Variants in SCN11A observed in about 807,000 individuals in gnomAD.
SCN11A encodes the protein sodium channel protein type 11 subunit alpha.
In SCN11A, 122 loss-of-function variants were observed where a neutral mutation model predicts 162.2. The ratio of observed to expected loss-of-function variants is 0.75; its 90% CI spans 0.65 to 0.87. SCN11A has a LOEUF of 0.87. SCN11A is among the 40% of genes least tolerant of loss of function. The pLI is 0.00. For synonymous variants in SCN11A, 758 were observed against 751.5 expected, an observed-to-expected ratio of 1.01 and a Z score of -0.14; for missense variants, 2,015 against 2,181.6, an observed-to-expected ratio of 0.92 and a Z score of 1.52.
chr3:39,034,847 C>A (rs2031862973), intron 1 of SCN11A, among the ~76,000 whole-genome samples: 1 of 151,912 alleles, frequency 6.6e-6, no homozygotes, highest in South Asian at 2.1e-4. Context: ...ATTCTATTTA[C>A]AATAACAACA....
intron 2 of SCN11A, among the ~76,000 whole-genome samples, chr3:39,004,935 T>A (rs2030927435): frequency 1.3e-5 from 2 of 152,178 alleles, no homozygotes; most frequent in African/African-American, 4.8e-5. Flanking sequence ...GCTGGGAGCA[T>A]CAGCAAGCTA....
In SCN11A at chr3:39,032,073, C is replaced by T. The variant is rs2031774444; in HGVS notation, c.-280+307G>A. Among the ~76,000 whole-genome samples the T allele has an allele frequency of 4.6e-5, 7 of 152,056 alleles. 1 individual carries two copies. In the South Asian group the frequency reaches 1.4e-3, roughly 31 times the overall value. ...TGACTGATTCTTACGTGCTCATTTC[C>T]CCCTGTACTTCTAAATATACTTCTA... On this transcript the variant is annotated intron_variant, in intron 2 of 29. Transcript: ENST00000302328.
intron 29 of SCN11A, among the ~76,000 whole-genome samples, chr3:38,848,384 T>A (rs1187004372): frequency 6.6e-6 from 1 of 152,096 alleles, no homozygotes; most frequent in African/African-American, 2.4e-5. Context: ...GAGAGTCTTC[T>A]AGGGTTGTTA....
intron 1 of SCN11A, among the ~76,000 whole-genome samples, chr3:39,041,526 C>T (rs558131564): frequency 6.6e-6 from 1 of 152,180 alleles, no homozygotes; most frequent in Non-Finnish European, 1.5e-5. Flanking sequence ...AGAAACCTTA[C>T]AGGCCGGGAG....
chr3:38,899,788 G>C (rs551937398), intron 17 of SCN11A, 106 bp downstream of exon 17: 1 of 867,826 alleles, frequency 1.2e-6, no homozygotes, highest in African/African-American at 1.7e-5. Context: ...CTGGGGTTAA[G>C]GTAAGATAAA....
intron 9 of SCN11A, among the ~76,000 whole-genome samples, chr3:38,924,029 C>T (rs1456747853): frequency 6.6e-6 from 1 of 152,130 alleles, no homozygotes; most frequent in Non-Finnish European, 1.5e-5. Context: ...GCAGGGCAGG[C>T]ATGATCTTGG....
intron 11 of SCN11A, among the ~76,000 whole-genome samples, chr3:38,914,287 C>T (rs1034230004): frequency 2.0e-5 from 3 of 152,130 alleles, no homozygotes; most frequent in African/African-American, 4.8e-5. Flanking sequence ...ATTTGGCTCT[C>T]GGCTTGGCTG....
In SCN11A at chr3:38,967,126, A is replaced by G. The variant is rs138310637; in HGVS notation, c.-279-6703T>C. 4.9e-3 allele frequency among the ~76,000 whole-genome samples: 742 copies of G among 152,324 alleles called. 12 individuals carry two copies. The highest frequency in any genetic ancestry group is 0.021 in the Admixed American group (326 of 15,304). The stretch of plus-strand genomic sequence containing the variant: ...TGAATATTAGGAGGCTGAAACATCT[A>G]TCCTCTGGCTTACATTCCCTATTGT... On this transcript the variant is annotated intron_variant, in intron 2 of 29. Transcript: ENST00000302328.
At chr3:38,942,341 T>C (rs2066454709) in intron 7 of SCN11A, among the ~76,000 whole-genome samples, 1 of 152,124 alleles carries the variant, frequency 6.6e-6, no homozygotes, top group South Asian at 2.1e-4. Context: ...TAAATGACAC[T>C]ATCAACCACC....
intron 1 of SCN11A, among the ~76,000 whole-genome samples, chr3:39,040,591 C>T (rs1033262338): frequency 2.6e-5 from 4 of 152,184 alleles, no homozygotes; most frequent in Non-Finnish European, 4.4e-5. Flanking sequence ...TAAGGAACCT[C>T]AGCAAGATAC....
At chr3:38,948,820 C>T (rs1474541997) in intron 5 of SCN11A, among the ~76,000 whole-genome samples, 5 of 152,204 alleles carry the variant, frequency 3.3e-5, no homozygotes, top group African/African-American at 7.2e-5. Flanking sequence ...CTGACTCATG[C>T]GTCTCCTCTC....
At chr3:38,898,214 G>A (rs960213906) in intron 17 of SCN11A, among the ~76,000 whole-genome samples, 4 of 152,136 alleles carry the variant, frequency 2.6e-5, no homozygotes, top group African/African-American at 7.2e-5. Context: ...CTCCAGCCTG[G>A]GCAACAGAGC....
At chr3:38,929,771 G>A (rs555447790) in intron 7 of SCN11A, among the ~76,000 whole-genome samples, 6 of 152,136 alleles carry the variant, frequency 3.9e-5, no homozygotes, top group Non-Finnish European at 5.9e-5. Flanking sequence ...TATCTCAGGA[G>A]TGGGTTCCTG....
chr3:39,029,562 C>CA (rs2031690939), intron 2 of SCN11A, among the ~76,000 whole-genome samples: 1 of 152,168 alleles, frequency 6.6e-6, no homozygotes, highest in Non-Finnish European at 1.5e-5. Context: ...AGAGATGGTT[C>CA]AAGGCAAACG....
chr3:39,020,011 C>CAGA (rs1192042125), intron 2 of SCN11A, among the ~76,000 whole-genome samples: 3 of 152,166 alleles, frequency 2.0e-5, no homozygotes, highest in Non-Finnish European at 4.4e-5. Flanking sequence ...ATGCTTGAGT[C>CAGA]AGAAGGCTGA....
In SCN11A at chr3:38,994,186, G is replaced by A. The variant is rs955232196; in HGVS notation, c.-279-33763C>T. Among the ~76,000 whole-genome samples the A allele has an allele frequency of 4.6e-5, 7 of 152,300 alleles. No individual in the cohort carries two copies. The South Asian group carries it at 1.2e-3, about 27-fold the overall frequency. On this transcript the variant is annotated intron_variant, in intron 2 of 29. Coordinates refer to ENST00000302328, the MANE Select transcript of SCN11A (RefSeq NM_001349253.2). ...CAAGATAAGACTAAAAACTAACTCA[G>A]TGATATACTTTGATTGCAATTATTC...
intron 2 of SCN11A, among the ~76,000 whole-genome samples, chr3:38,986,494 C>T (rs192637284): frequency 8.1e-4 from 124 of 152,240 alleles, no homozygotes; most frequent in African/African-American, 2.9e-3. Flanking sequence ...GCTTTATGAA[C>T]GGTGATGCAG....
chr3:38,929,409 G>A (rs2066204023), intron 7 of SCN11A, among the ~76,000 whole-genome samples: 1 of 152,080 alleles, frequency 6.6e-6, no homozygotes, highest in Non-Finnish European at 1.5e-5. Flanking sequence ...ATTGAAATGG[G>A]GAGTTGGTAT....
intron 2 of SCN11A, among the ~76,000 whole-genome samples, chr3:39,032,025 G>C (rs957922043): frequency 6.6e-6 from 1 of 152,048 alleles, no homozygotes; most frequent in Non-Finnish European, 1.5e-5. Context: ...TTATACAAAA[G>C]GAGTGGATTA....
Sources: gnomAD v4.1 joint callset for allele counts (sites outside exome capture counted in the v4.1 genomes callset) on GRCh38, gnomAD v4.1.1 for gene constraint, MANE v1.5 for transcripts, NCBI Gene and HGNC (gene_info 2026-07-23, HGNC 2026-07-21) for gene names.